APLF: variants seen among roughly 807,000 people sequenced by gnomAD.
APLF encodes aprataxin and PNKP like factor.
APLF carries 61 observed loss-of-function variants against 55.6 expected under a neutral mutation model. That is an observed-to-expected ratio of 1.10 (90% CI 0.89 to 1.36). The LOEUF is 1.36. Among genes scored for constraint, APLF ranks in the 40% most tolerant of loss-of-function variants. The probability of loss-of-function intolerance (pLI) is 0.00; values close to 1 mark genes in which losing one functional copy is unlikely to be tolerated. For missense variants in APLF, 611 were observed against 602.5 expected, an observed-to-expected ratio of 1.01 and a Z score of -0.15; for synonymous variants, 207 against 214.8, an observed-to-expected ratio of 0.96 and a Z score of 0.32.
chr2:68,525,749 T>C (rs1462287355), intron 5 of APLF, among the ~76,000 whole-genome samples: 2 of 129,686 alleles, frequency 1.5e-5, no homozygotes, highest in Admixed American at 7.4e-5. Flanking sequence ...TTTCTTTTTT[T>C]TTTTTTTTTT....
chr2:68,467,754 A>G lies in APLF; in HGVS notation c.23A>G (p.Gln8Arg), dbSNP rs1428130865. 1.6e-6 allele frequency: 2 copies of G among 1,234,834 alleles called. No homozygotes were observed. The highest frequency in any genetic ancestry group is 2.0e-6 in the Non-Finnish European group (2 of 988,038). 76.5% of individuals were successfully genotyped at this position (1,234,834 alleles called of 1,614,324 possible). A position where few individuals can be genotyped will look rare whatever the true frequency, so the allele number is the denominator to read the frequency against. MSGGFEL[Q>R]PRDGGPRVAL... is the part of the protein sequence containing the mutation. The stretch of plus-strand genomic sequence containing the variant: ...GCCATGTCCGGGGGCTTCGAGCTGC[A>G]GCCGCGGGACGGCGGTCCCCGGGTG... The change falls in exon 1 of 10, where the codon CAG becomes CGG. Residue 8 changes from glutamine (Q) to arginine (R), a missense_variant. Gln to Arg is a conservative substitution (Grantham distance 43). Transcript: ENST00000303795.
intron 8 of APLF, among the ~76,000 whole-genome samples, chr2:68,561,386 T>C (rs960456728): frequency 1.3e-5 from 2 of 152,096 alleles, no homozygotes; most frequent in African/African-American, 4.8e-5. Context: ...TTTCACAACA[T>C]AATGCTAGTG....
At position 68,467,680 on chromosome 2, in the gene APLF, G is replaced by A; in HGVS notation, c.-52G>A. The A allele has an allele frequency of 8.2e-7, 1 of 1,221,360 alleles. No homozygotes were observed. The highest frequency in any genetic ancestry group is 1.6e-5 in the African/African-American group (1 of 64,298). 75.7% of individuals were successfully genotyped at this position (1,221,360 alleles called of 1,614,324 possible). The stretch of plus-strand genomic sequence containing the variant: ...GCCCCGCGCGTGTCTGTGGAGGGCG[G>A]AAACAGCGGAGGGGCCAGTCTCCTG... On this transcript the variant is annotated 5_prime_UTR_variant, in exon 1 of 10. Coordinates refer to ENST00000303795, the MANE Select transcript of APLF (RefSeq NM_173545.3).
chr2:68,484,303 C>T (rs1218566728), intron 1 of APLF, among the ~76,000 whole-genome samples: 2 of 151,890 alleles, frequency 1.3e-5, no homozygotes, highest in African/African-American at 2.4e-5. Flanking sequence ...TATTTAAAAC[C>T]AGAAAGTCAA....
At chr2:68,487,565 AATTG>A (rs1457673705) in intron 1 of APLF, among the ~76,000 whole-genome samples, 1 of 152,100 alleles carries the variant, frequency 6.6e-6, no homozygotes, top group Non-Finnish European at 1.5e-5. Flanking sequence ...TGGTGTTGAT[AATTG>A]ATTGTTATTA....
intron 8 of APLF, among the ~76,000 whole-genome samples, chr2:68,557,619 T>C (rs148711199): frequency 2.0e-4 from 30 of 152,248 alleles, no homozygotes; most frequent in African/African-American, 7.2e-4. Flanking sequence ...TAGTTAAGAA[T>C]AGTCAAAGTT....
intron 2 of APLF, among the ~76,000 whole-genome samples, chr2:68,500,676 G>C (rs1352505319): frequency 6.6e-6 from 1 of 152,186 alleles, no homozygotes; most frequent in Non-Finnish European, 1.5e-5. Context: ...AGAATATTCA[G>C]AGTTCAGACC....
chr2:68,538,140 A>T lies in APLF; in HGVS notation c.1073A>T (p.His358Leu), dbSNP rs749955259. The change falls in exon 7 of 10, where the codon CAT (histidine) becomes CTT (leucine). Residue 358 changes from histidine to leucine, a missense_variant. Physicochemically the swap from His to Leu is moderately conservative, Grantham distance 99. Transcript: ENST00000303795. ...AATCCCTCCAATCCTGAAACTTTGC[A>T]TGCAAAGGCAACTGATTCAGTTCTA... Reference protein sequence around the residue: ...SSNPSNPETLHAKATDSVLQG... With the variant: ...SSNPSNPETLLAKATDSVLQG... The T allele has an allele frequency of 3.1e-6, 5 of 1,614,134 alleles. No individual in the cohort carries two copies. Among genetic ancestry groups the T allele is most frequent in the Non-Finnish European group, 4.2e-6 (5 of 1,179,972 alleles).
In APLF at chr2:68,526,158, A is replaced by T; in HGVS notation, c.720A>T (p.Gly240=). 1 of 1,614,026 alleles carries T rather than the reference A, an allele frequency of 6.2e-7. No homozygotes were observed. The highest frequency in any genetic ancestry group is 8.5e-7 in the Non-Finnish European group (1 of 1,179,986). The change falls in exon 6 of 10, where the codon GGA becomes GGT. Residue 240 remains glycine, a synonymous_variant. Transcript: ENST00000303795. ...QQGRRQLISS[G]SSENTSAEQD... ...GAAGAAGGCAATTAATTTCATCAGG[A>T]AGTTCAGAAAATACATCAGCAGAAC...
intron 2 of APLF, among the ~76,000 whole-genome samples, chr2:68,495,356 A>G (rs923325986): frequency 2.6e-5 from 4 of 152,222 alleles, no homozygotes; most frequent in African/African-American, 9.6e-5. Context: ...TTTCAAAACA[A>G]AGGGTCTGTA....
intron 1 of APLF, among the ~76,000 whole-genome samples, chr2:68,477,962 G>T (rs947965856): frequency 1.7e-4 from 26 of 151,806 alleles, no homozygotes; most frequent in African/African-American, 5.8e-4. Flanking sequence ...TACAAGGTGA[G>T]ATTTGGGTGG....
At chr2:68,505,901 G>A (rs1045875093) in intron 3 of APLF, among the ~76,000 whole-genome samples, 7 of 151,922 alleles carry the variant, frequency 4.6e-5, no homozygotes, top group African/African-American at 1.7e-4. Context: ...TCCCTCCCTG[G>A]TGGTGAGGCT....
chr2:68,504,072 A>G (rs533317741), intron 3 of APLF, among the ~76,000 whole-genome samples: 3 of 152,126 alleles, frequency 2.0e-5, no homozygotes, highest in South Asian at 4.1e-4. Context: ...CTTTATGCCA[A>G]TAAATTTGGC....
intron 9 of APLF, among the ~76,000 whole-genome samples, chr2:68,571,952 G>A (rs1338570436): frequency 6.6e-6 from 1 of 152,018 alleles, no homozygotes; most frequent in Admixed American, 6.6e-5. Context: ...TATTATTCTA[G>A]GTGATTGATA....
intron 1 of APLF, among the ~76,000 whole-genome samples, chr2:68,482,881 A>T (rs1363390343): frequency 2.0e-5 from 3 of 152,002 alleles, no homozygotes; most frequent in African/African-American, 7.3e-5. Context: ...AGCTTGGGGA[A>T]GTGCGTACCA....
At chr2:68,494,277 C>CAAAAAAAAAAAAAAAAAAAAAAAAAAA (rs59466460) in intron 2 of APLF, among the ~76,000 whole-genome samples, 2 of 49,546 alleles carry the variant, frequency 4.0e-5, no homozygotes, top group Admixed American at 2.7e-4. Flanking sequence ...GACCCCGTCT[C>CAAAAAAAAAAAAAAAAAAAAAAAAAAA]AAAAAAAAAA....
chr2:68,472,586 A>G (rs1237371480), intron 1 of APLF, among the ~76,000 whole-genome samples: 4 of 152,188 alleles, frequency 2.6e-5, no homozygotes, highest in Admixed American at 6.5e-5. Flanking sequence ...AGGTATAAGA[A>G]GGAACCTGAA....
At chr2:68,541,653 G>T (rs1202069361) in intron 7 of APLF, among the ~76,000 whole-genome samples, 1 of 152,166 alleles carries the variant, frequency 6.6e-6, no homozygotes, top group Non-Finnish European at 1.5e-5. Context: ...AGTCTTTGTT[G>T]CCACTGCTTA....
intron 1 of APLF, among the ~76,000 whole-genome samples, chr2:68,474,189 C>T (rs1675703001): frequency 6.6e-6 from 1 of 152,256 alleles, no homozygotes; most frequent in Admixed American, 6.5e-5. Flanking sequence ...CTCCAGAAAC[C>T]TCTACATGTT....
Sources: gnomAD v4.1 joint callset for allele counts (sites outside exome capture counted in the v4.1 genomes callset) on GRCh38, gnomAD v4.1.1 for gene constraint, MANE v1.5 for transcripts, NCBI Gene and HGNC (gene_info 2026-07-23, HGNC 2026-07-21) for gene names.